The following SAMMSON variants were observed in gnomAD, a reference collection of about 807,000 sequenced individuals.
SAMMSON encodes long intergenic non-protein coding RNA 1212.
At chr3:70,062,332 A>G (rs1160085947) in intron 3 of SAMMSON, among the ~76,000 whole-genome samples, 2 of 152,094 alleles carry the variant, frequency 1.3e-5, no homozygotes, top group African/African-American at 4.8e-5. Flanking sequence ...CATTATATTA[A>G]GTAGAACCAC....
intron 6 of SAMMSON, chr3:70,291,065 C>G (rs1031983419): frequency 2.0e-5 from 3 of 152,306 alleles, no homozygotes; most frequent in African/African-American, 2.4e-5. Context: ...TGTTCCTATT[C>G]GGCCATCTTG....
At chr3:70,266,331 T>C (rs1701916776) in intron 6 of SAMMSON, among the ~76,000 whole-genome samples, 1 of 152,126 alleles carries the variant, frequency 6.6e-6, no homozygotes. Context: ...TTGATTAAAC[T>C]GTAATCGTTA....
At chr3:70,346,988 C>A (rs1702756643) in intron 7 of SAMMSON, among the ~76,000 whole-genome samples, 1 of 152,096 alleles carries the variant, frequency 6.6e-6, no homozygotes, top group South Asian at 2.1e-4. Context: ...GCGCTGATTA[C>A]CCACTGATGA....
At chr3:70,149,128 A>T (rs1321902029) in intron 4 of SAMMSON, among the ~76,000 whole-genome samples, 1 of 152,106 alleles carries the variant, frequency 6.6e-6, no homozygotes, top group East Asian at 1.9e-4. Flanking sequence ...GCAGAAGGTC[A>T]AATGTGGTGA....
At chr3:70,338,489 A>G (rs1702683838) in intron 7 of SAMMSON, among the ~76,000 whole-genome samples, 1 of 152,158 alleles carries the variant, frequency 6.6e-6, no homozygotes, top group African/African-American at 2.4e-5. Context: ...ACATGATTGT[A>G]TATATAGAAA....
At chr3:70,268,328 A>G (rs1187529155) in intron 6 of SAMMSON, among the ~76,000 whole-genome samples, 1 of 152,164 alleles carries the variant, frequency 6.6e-6, no homozygotes, top group African/African-American at 2.4e-5. Context: ...ACAAAAAATT[A>G]GCCAGGCGTG....
chr3:70,361,678 G>A (rs1181491466), intron 9 of SAMMSON, among the ~76,000 whole-genome samples: 1 of 152,194 alleles, frequency 6.6e-6, no homozygotes, highest in African/African-American at 2.4e-5. Context: ...TGCATACTCT[G>A]TGGATGTCAT....
At chr3:70,142,628 C>CACCACCAAAG (rs1186641897) in intron 4 of SAMMSON, among the ~76,000 whole-genome samples, 1 of 152,098 alleles carries the variant, frequency 6.6e-6, no homozygotes, top group Non-Finnish European at 1.5e-5. Flanking sequence ...TCTCACAAAT[C>CACCACCAAAG]ACCACCAAAG....
intron 4 of SAMMSON, among the ~76,000 whole-genome samples, chr3:70,221,000 G>T (rs1165882888): frequency 6.6e-6 from 1 of 152,102 alleles, no homozygotes; most frequent in Non-Finnish European, 1.5e-5. Context: ...TTTAAATCTG[G>T]TTCTAAGGCT....
chr3:70,117,905 T>A (rs554715259), intron 4 of SAMMSON, among the ~76,000 whole-genome samples: 49 of 152,318 alleles, frequency 3.2e-4, no homozygotes, highest in East Asian at 9.6e-4. Flanking sequence ...ATAATTTTTT[T>A]AATTTAATTT....
intron 2 of SAMMSON, among the ~76,000 whole-genome samples, chr3:70,419,353 A>G (rs1465685932): frequency 2.0e-5 from 3 of 151,910 alleles, no homozygotes; most frequent in African/African-American, 7.3e-5. Flanking sequence ...TTTTCTTTGG[A>G]CTATTTAATT....
chr3:70,013,656 GTCAACTTTAC>G (rs2066968457), exon 3 of SAMMSON: 1 of 152,150 alleles, frequency 6.6e-6, no homozygotes, highest in Non-Finnish European at 1.5e-5. Context: ...CTCCTGGAAA[GTCAACTTTAC>G]TCAAAGGTAA....
At chr3:70,089,920 C>G (rs552726313) in intron 4 of SAMMSON, among the ~76,000 whole-genome samples, 1 of 152,178 alleles carries the variant, frequency 6.6e-6, no homozygotes, top group African/African-American at 2.4e-5. Context: ...AAGCAGATGG[C>G]TGGGTAAATG....
intron 4 of SAMMSON, among the ~76,000 whole-genome samples, chr3:70,242,343 C>T (rs1242090641): frequency 1.3e-5 from 2 of 152,146 alleles, no homozygotes; most frequent in Non-Finnish European, 2.9e-5. Context: ...TGCAAAAACA[C>T]AGCTATGATT....
At chr3:70,375,410 T>C (rs1703005898) in intron 9 of SAMMSON, among the ~76,000 whole-genome samples, 1 of 151,856 alleles carries the variant, frequency 6.6e-6, no homozygotes, top group African/African-American at 2.4e-5. Flanking sequence ...TTGTTTTTTT[T>C]TTTTTTGCCA....
chr3:70,240,657 T>C (rs1456840639), intron 4 of SAMMSON, among the ~76,000 whole-genome samples: 1 of 152,172 alleles, frequency 6.6e-6, no homozygotes, highest in East Asian at 1.9e-4. Flanking sequence ...AATTTGTTTA[T>C]CTTTCTATTG....
At chr3:70,218,350 G>C (rs1289249974) in intron 4 of SAMMSON, among the ~76,000 whole-genome samples, 9 of 152,092 alleles carry the variant, frequency 5.9e-5, no homozygotes, top group Non-Finnish European at 1.3e-4. Flanking sequence ...GATGCATATA[G>C]GCATGCATTA....
At chr3:70,424,323 CA>C (rs1701337241) in intron 2 of SAMMSON, among the ~76,000 whole-genome samples, 1 of 152,072 alleles carries the variant, frequency 6.6e-6, no homozygotes, top group East Asian at 1.9e-4. Context: ...TTATAACATG[CA>C]GATCAGAGCC....
intron 2 of SAMMSON, among the ~76,000 whole-genome samples, chr3:70,415,288 T>C (rs1003445641): frequency 3.3e-5 from 5 of 152,210 alleles, no homozygotes; most frequent in Admixed American, 3.3e-4. Flanking sequence ...TGGCAATGGG[T>C]CTGCTGTTAC....
Sources: gnomAD v4.1 joint callset for allele counts (sites outside exome capture counted in the v4.1 genomes callset) on GRCh38, gnomAD v4.1.1 for gene constraint, MANE v1.5 for transcripts, NCBI Gene and HGNC (gene_info 2026-07-23, HGNC 2026-07-21) for gene names.